Variants in MIPEP observed in about 807,000 individuals in gnomAD.
The protein encoded by MIPEP is mitochondrial intermediate peptidase.
In MIPEP, 79 loss-of-function variants were observed where a neutral mutation model predicts 90.3. That is an observed-to-expected ratio of 0.87 (90% CI 0.73 to 1.05). The LOEUF (loss-of-function observed/expected upper bound fraction) is 1.05. Ranked by LOEUF, MIPEP falls within the 50% of genes least tolerant of loss-of-function variation. The probability of loss-of-function intolerance (pLI) is 0.00; values close to 1 mark genes in which losing one functional copy is unlikely to be tolerated. For missense variants in MIPEP, 940 were observed against 905.6 expected, an observed-to-expected ratio of 1.04 and a Z score of -0.49; for synonymous variants, 334 against 315.8, an observed-to-expected ratio of 1.06 and a Z score of -0.61.
intron 18 of MIPEP, among the ~76,000 whole-genome samples, chr13:23,733,400 G>A (rs1311118418): frequency 1.3e-5 from 2 of 152,186 alleles, no homozygotes; most frequent in Non-Finnish European, 2.9e-5. Flanking sequence ...CTCTGGGAGA[G>A]GAACATGAGA....
At chr13:23,860,666 A>AATTCATTC (rs10657874) in intron 9 of MIPEP, among the ~76,000 whole-genome samples, 8 of 151,928 alleles carry the variant, frequency 5.3e-5, no homozygotes, top group East Asian at 1.9e-4. Context: ...CTCTGGTGGC[A>AATTCATTC]ATTCATTCAT....
At chr13:23,770,480 C>A (rs534536115) in intron 16 of MIPEP, among the ~76,000 whole-genome samples, 14 of 152,296 alleles carry the variant, frequency 9.2e-5, no homozygotes, top group Non-Finnish European at 1.2e-4. Flanking sequence ...ATTGGAACAA[C>A]CGGTTTCACT....
chr13:23,798,270 T>C (rs1451867269), intron 16 of MIPEP, among the ~76,000 whole-genome samples: 1 of 152,250 alleles, frequency 6.6e-6, no homozygotes, highest in Admixed American at 6.5e-5. Flanking sequence ...TTTTTGGCAG[T>C]TTTTTTCTAA....
intron 16 of MIPEP, among the ~76,000 whole-genome samples, chr13:23,780,207 T>C (rs916445989): frequency 1.3e-5 from 2 of 152,134 alleles, no homozygotes. Flanking sequence ...CACCCCCCAG[T>C]AGGGGCAGAC....
chr13:23,740,431 C>CAA (rs5802249), intron 18 of MIPEP, among the ~76,000 whole-genome samples: 1,895 of 135,970 alleles, frequency 0.014, 32 homozygotes, highest in South Asian at 0.053. Context: ...TCTGTGGCCT[C>CAA]AAAAAAAAAA....
At chr13:23,745,850 A>T (rs1952377034) in intron 18 of MIPEP, among the ~76,000 whole-genome samples, 1 of 150,880 alleles carries the variant, frequency 6.6e-6, no homozygotes, top group South Asian at 2.2e-4. Context: ...GAATCGCTTG[A>T]ACCTGGGTGG....
intron 16 of MIPEP, among the ~76,000 whole-genome samples, chr13:23,786,763 A>G (rs1952845717): frequency 6.6e-6 from 1 of 152,240 alleles, no homozygotes; most frequent in Admixed American, 6.5e-5. Context: ...AGGGTTGTCA[A>G]AAGAAAACTA....
chr13:23,859,276 A>T (rs1485006923), intron 9 of MIPEP, among the ~76,000 whole-genome samples: 1 of 152,212 alleles, frequency 6.6e-6, no homozygotes, highest in Non-Finnish European at 1.5e-5. Context: ...TGTAGGTAAG[A>T]TGAGTGTACT....
Position 23,870,124 on chromosome 13 carries a change from A to G in MIPEP, c.675T>C (p.Phe225=). The G allele has an allele frequency of 5.0e-6, 8 of 1,612,480 alleles. No homozygotes were observed. Among genetic ancestry groups the G allele is most frequent in the Non-Finnish European group, 6.8e-6 (8 of 1,179,184 alleles). The part of the protein sequence containing the change: ...LSSTFLMGTN[F]PNKIEKHLLP... ...AGAGATGCTTCTCAATCTTGTTGGG[A>G]AAATTGGTTCCCATAAGAAATGTAC... The change falls in exon 6 of 19, where the codon TTT becomes TTC. Residue 225 remains phenylalanine, a synonymous_variant. Transcript: ENST00000382172.
intron 16 of MIPEP, among the ~76,000 whole-genome samples, chr13:23,769,838 C>T (rs955282973): frequency 6.6e-6 from 1 of 152,076 alleles, no homozygotes; most frequent in Admixed American, 6.5e-5. Context: ...AAGAGGTGAC[C>T]GGATCATGAG....
intron 10 of MIPEP, 145 bp downstream of exon 10, chr13:23,858,715 T>G: frequency 3.0e-6 from 2 of 668,716 alleles, no homozygotes; most frequent in Non-Finnish European, 5.4e-6. Context: ...GAAGAATACA[T>G]GAGTGGAGCA....
chr13:23,809,623 G>A (rs1052645632), intron 15 of MIPEP, among the ~76,000 whole-genome samples: 1 of 152,164 alleles, frequency 6.6e-6, no homozygotes, highest in African/African-American at 2.4e-5. Flanking sequence ...GATTACAGGT[G>A]TGAGCCACTG....
chr13:23,798,978 G>A (rs972324694), intron 16 of MIPEP, among the ~76,000 whole-genome samples: 4 of 148,416 alleles, frequency 2.7e-5, no homozygotes, highest in Non-Finnish European at 5.9e-5. Flanking sequence ...CCTCTCTAGG[G>A]TAAATTAGAA....
At chr13:23,776,783 G>T (rs868406971) in intron 16 of MIPEP, among the ~76,000 whole-genome samples, 7 of 151,650 alleles carry the variant, frequency 4.6e-5, no homozygotes, top group South Asian at 2.1e-4. Context: ...TCTACTAATG[G>T]TTTGTAAAAT....
intron 18 of MIPEP, among the ~76,000 whole-genome samples, chr13:23,736,456 G>A (rs1167403627): frequency 1.3e-5 from 2 of 152,080 alleles, no homozygotes; most frequent in South Asian, 2.1e-4. Context: ...AAGAAAAGAT[G>A]GTACAAGCCA....
At chr13:23,843,469 G>C (rs1869399520) in intron 10 of MIPEP, among the ~76,000 whole-genome samples, 1 of 152,226 alleles carries the variant, frequency 6.6e-6, no homozygotes, top group Non-Finnish European at 1.5e-5. Flanking sequence ...CACTCATAAA[G>C]TATATGCATG....
In MIPEP at chr13:23,889,288, T is replaced by C; in HGVS notation, c.33A>G (p.Gly11=). Residue 11 remains glycine (G), a synonymous_variant, in exon 1 of 19, where the codon GGA becomes GGG. Transcript: ENST00000382172. ...GGGGCGGCAGAGCTGCTGCTCTGGCTCCCAAGCCGCCCAGCCTTCCGACGC... is the reference window on the plus strand; with the variant it reads ...GGGGCGGCAGAGCTGCTGCTCTGGCCCCCAAGCCGCCCAGCCTTCCGACGC... MLCVGRLGGL[G]ARAAALPPRR... 7.3e-7 allele frequency: 1 copy of C among 1,368,474 alleles called. No homozygotes were observed. Among genetic ancestry groups the C allele is most frequent in the East Asian group, 3.1e-5 (1 of 32,264 alleles). The allele number at this position is 1,368,474 out of a possible 1,614,324, so 84.8% of individuals were successfully genotyped here. A position where few individuals can be genotyped will look rare whatever the true frequency, so the allele number is the denominator to read the frequency against.
intron 2 of MIPEP, among the ~76,000 whole-genome samples, chr13:23,884,474 T>C (rs1419130098): frequency 1.3e-5 from 2 of 152,096 alleles, no homozygotes; most frequent in Non-Finnish European, 2.9e-5. Flanking sequence ...AGCCCTGAAA[T>C]GGTTGGAACA....
At chr13:23,840,166 C>A (rs972279972) in intron 11 of MIPEP, among the ~76,000 whole-genome samples, 1 of 152,200 alleles carries the variant, frequency 6.6e-6, no homozygotes, top group African/African-American at 2.4e-5. Context: ...TAAAAATCAG[C>A]AATATTACTA....
Sources: allele counts gnomAD v4.1 joint callset (sites outside exome capture counted in the v4.1 genomes callset), GRCh38; gene constraint gnomAD v4.1.1; transcripts MANE v1.5; gene names NCBI Gene and HGNC (gene_info 2026-07-23, HGNC 2026-07-21).